FBRSL1: variants seen among roughly 807,000 people sequenced by gnomAD.
FBRSL1 encodes fibrosin-1-like protein.
FBRSL1 carries 51 observed loss-of-function variants against 89.6 expected under a neutral mutation model. That is an observed-to-expected ratio of 0.57 (90% CI 0.45 to 0.72). FBRSL1 has a LOEUF of 0.72. Ranked by LOEUF, FBRSL1 falls within the 30% of genes least tolerant of loss-of-function variation. The probability of loss-of-function intolerance (pLI) is 0.00; values close to 1 mark genes in which losing one functional copy is unlikely to be tolerated. For synonymous variants in FBRSL1, 779 were observed against 681.1 expected (o/e 1.14, Z -2.24); for missense variants, 1,618 against 1,451.8 (o/e 1.11, Z -1.86).
chr12:132,491,117 T>G (rs1179495447), intron 1 of FBRSL1, among the ~76,000 whole-genome samples: 1 of 152,188 alleles, frequency 6.6e-6, no homozygotes, highest in African/African-American at 2.4e-5. Context: ...AAATCTACGC[T>G]TCGAAATTGG....
At chr12:132,528,467 G>A (rs1381546639) in intron 4 of FBRSL1, among the ~76,000 whole-genome samples, 1 of 152,110 alleles carries the variant, frequency 6.6e-6, no homozygotes, top group Admixed American at 6.5e-5. Flanking sequence ...GGACAGAAAG[G>A]CCTGGGCCCA....
chr12:132,567,890 G>A (rs1047582909), intron 6 of FBRSL1, among the ~76,000 whole-genome samples: 7 of 152,216 alleles, frequency 4.6e-5, no homozygotes, highest in African/African-American at 1.2e-4. Flanking sequence ...AAAGAGAAAC[G>A]GGACTGAGAC....
chr12:132,569,951 C>T lies in FBRSL1; in HGVS notation c.717C>T (p.Ala239=). Residue 239 remains alanine (A), a synonymous_variant, in exon 7 of 19, where the codon GCC becomes GCT. Coordinates refer to ENST00000680143, the MANE Select transcript of FBRSL1 (RefSeq NM_001367871.1). Reference sequence around the variant, plus strand: ...GCCCAGCGCTTGAGAAGTCGGAGGCCAAGGCCGGGCCGGTGCCCAAGGTGT... The same window carrying T: ...GCCCAGCGCTTGAGAAGTCGGAGGCTAAGGCCGGGCCGGTGCCCAAGGTGT... The part of the protein sequence containing the change: ...DKGPALEKSE[A]KAGPVPKVSG... 1.4e-6 allele frequency: 2 copies of T among 1,426,746 alleles called. No homozygotes were observed. Among genetic ancestry groups the T allele is most frequent in the Non-Finnish European group, 1.8e-6 (2 of 1,098,654 alleles). 88.4% of individuals were successfully genotyped at this position (1,426,746 alleles called of 1,614,324 possible). A position where few individuals can be genotyped will look rare whatever the true frequency, so the allele number is the denominator to read the frequency against.
rs1201696959 is a variant in FBRSL1, at chr12:132,571,204, C to T, written c.1350C>T (p.Gly450=). ...LGPHVASGHP[G]LACRPRECQF... is the part of the protein sequence containing the mutation. ...CGCACGTGGCGAGCGGCCACCCCGG[C>T]TTGGCCTGCCGACCCCGGGAGTGCC... Residue 450 remains glycine (G), a synonymous_variant, in exon 9 of 19, where the codon GGC becomes GGT. Coordinates refer to ENST00000680143, the MANE Select transcript of FBRSL1 (RefSeq NM_001367871.1). 1 of 1,444,026 alleles carries T rather than the reference C, an allele frequency of 6.9e-7. No individual in the cohort carries two copies. The highest frequency in any genetic ancestry group is 2.5e-5 in the East Asian group (1 of 39,502). 89.5% of individuals were successfully genotyped at this position (1,444,026 alleles called of 1,614,324 possible).
intron 5 of FBRSL1, 144 bp downstream of exon 5, chr12:132,548,176 T>G: frequency 2.1e-6 from 2 of 955,352 alleles, no homozygotes; most frequent in Non-Finnish European, 3.1e-6. Flanking sequence ...AGGGGGCTTG[T>G]GGCCTCCCAG....
intron 2 of FBRSL1, among the ~76,000 whole-genome samples, chr12:132,523,819 C>T (rs760010895): frequency 1.3e-5 from 2 of 152,168 alleles, no homozygotes; most frequent in East Asian, 1.9e-4. Flanking sequence ...GATGCATTCC[C>T]GGGACCCCGC....
At chr12:132,575,455 T>C (rs1189249203) in intron 14 of FBRSL1, among the ~76,000 whole-genome samples, 1 of 152,124 alleles carries the variant, frequency 6.6e-6, no homozygotes, top group Non-Finnish European at 1.5e-5. Context: ...TCTCAATCTC[T>C]TGGCCTCATG....
chr12:132,547,537 G>A (rs1258771702), intron 4 of FBRSL1, among the ~76,000 whole-genome samples: 1 of 152,114 alleles, frequency 6.6e-6, no homozygotes, highest in Non-Finnish European at 1.5e-5. Context: ...GAGCTGGGGT[G>A]CCTGGATCTC....
chr12:132,568,937 A>G (rs2039819352), intron 6 of FBRSL1, among the ~76,000 whole-genome samples: 1 of 152,060 alleles, frequency 6.6e-6, no homozygotes, highest in East Asian at 1.9e-4. Context: ...CCATGGTCAC[A>G]TGGGGCAGGG....
intron 15 of FBRSL1, 182 bp from the exon 16 acceptor site, chr12:132,581,255 TCC>T (rs2040726848): frequency 1.0e-6 from 1 of 980,172 alleles, no homozygotes. Context: ...TCAAACCTCC[TCC>T]GAATTGTGGG....
At chr12:132,545,242 C>A (rs890579099) in intron 4 of FBRSL1, among the ~76,000 whole-genome samples, 2 of 152,204 alleles carry the variant, frequency 1.3e-5, no homozygotes, top group African/African-American at 2.4e-5. Flanking sequence ...AAACCCACAC[C>A]AGGGTGACGT....
At chr12:132,579,405 C>G (rs1444935048) in intron 15 of FBRSL1, among the ~76,000 whole-genome samples, 1 of 152,144 alleles carries the variant, frequency 6.6e-6, no homozygotes, top group African/African-American at 2.4e-5. Context: ...TTATATTTTA[C>G]TAATATTATG....
intron 1 of FBRSL1, among the ~76,000 whole-genome samples, chr12:132,505,230 G>C (rs1370314067): frequency 1.3e-5 from 2 of 152,216 alleles, no homozygotes; most frequent in African/African-American, 4.8e-5. Flanking sequence ...GCCGCTGCTG[G>C]TCTCCTTGGC....
At chr12:132,523,377 G>A (rs753533879) in intron 2 of FBRSL1, among the ~76,000 whole-genome samples, 1 of 152,120 alleles carries the variant, frequency 6.6e-6, no homozygotes, top group Non-Finnish European at 1.5e-5. Flanking sequence ...CCCACCCCAC[G>A]ACCGGCCTGG....
intron 11 of FBRSL1, 50 bp from the exon 12 acceptor site, chr12:132,574,040 C>T: frequency 8.4e-7 from 1 of 1,189,220 alleles, no homozygotes; most frequent in East Asian, 4.2e-5. Flanking sequence ...GAGGCGTCCT[C>T]CTGCCTGGGC....
At chr12:132,571,954 C>T (rs113151292) in intron 9 of FBRSL1, 8,074 of 410,128 alleles carry the variant, frequency 0.02, 113 homozygotes, top group Middle Eastern at 0.044. Flanking sequence ...GGAAACTGGC[C>T]AGTTTGTCAG....
intron 2 of FBRSL1, among the ~76,000 whole-genome samples, chr12:132,522,904 G>A (rs2035482039): frequency 6.6e-6 from 1 of 152,196 alleles, no homozygotes; most frequent in Non-Finnish European, 1.5e-5. Context: ...TGTGCACTGG[G>A]AACAGTCACT....
chr12:132,513,422 G>T (rs981364865), intron 2 of FBRSL1, among the ~76,000 whole-genome samples: 2 of 152,108 alleles, frequency 1.3e-5, no homozygotes, highest in African/African-American at 4.8e-5. Context: ...GGTGTCTTCC[G>T]GGGGGTGACA....
intron 5 of FBRSL1, among the ~76,000 whole-genome samples, chr12:132,563,470 G>T (rs888040403): frequency 1.3e-5 from 2 of 151,528 alleles, no homozygotes; most frequent in Non-Finnish European, 2.9e-5. Context: ...TTTCTCATTC[G>T]GTTCTGTGGA....
Sources: allele counts gnomAD v4.1 joint callset (sites outside exome capture counted in the v4.1 genomes callset), GRCh38; gene constraint gnomAD v4.1.1; transcripts MANE v1.5; gene names NCBI Gene and HGNC (gene_info 2026-07-23, HGNC 2026-07-21).